Variants in EFCAB11 observed in about 807,000 individuals in gnomAD.
EFCAB11 encodes the protein EF-hand calcium-binding domain-containing protein 11.
A neutral mutation model predicts 23.0 loss-of-function variants in EFCAB11; 14 were observed. The observed-to-expected ratio is 0.61, with a 90% CI of 0.40 to 0.95. EFCAB11 has a LOEUF of 0.95. EFCAB11 is among the 40% of genes least tolerant of loss of function. The pLI, the probability that EFCAB11 is intolerant of heterozygous loss-of-function variation, is 0.00. For synonymous variants in EFCAB11, 65 were observed against 66.6 expected, an observed-to-expected ratio of 0.98 and a Z score of 0.11; for missense variants, 198 against 195.8, an observed-to-expected ratio of 1.01 and a Z score of -0.07.
intron 5 of EFCAB11, among the ~76,000 whole-genome samples, chr14:89,929,463 A>T (rs10129565): frequency 0.32 from 48,001 of 152,068 alleles, 11,583 homozygotes; most frequent in African/African-American, 0.67. Flanking sequence ...CTCAGCTCAC[A>T]GCAACCTCCG....
intron 5 of EFCAB11, among the ~76,000 whole-genome samples, chr14:89,892,660 C>T (rs749907273): frequency 6.6e-6 from 1 of 152,082 alleles, no homozygotes; most frequent in East Asian, 1.9e-4. Flanking sequence ...CTAGCATTTT[C>T]GGAGGCCAAG....
chr14:89,883,757 T>C (rs1183871959), intron 5 of EFCAB11, among the ~76,000 whole-genome samples: 1 of 152,222 alleles, frequency 6.6e-6, no homozygotes, highest in Non-Finnish European at 1.5e-5. Flanking sequence ...AAACCACTTC[T>C]CTGTTCATTT....
chr14:89,802,799 T>C (rs557687685), intron 5 of EFCAB11, among the ~76,000 whole-genome samples: 1 of 152,378 alleles, frequency 6.6e-6, no homozygotes, highest in South Asian at 2.1e-4. Context: ...TGGGTAATTC[T>C]GTCTTAAGAT....
intron 5 of EFCAB11, among the ~76,000 whole-genome samples, chr14:89,918,197 A>C (rs191273554): frequency 6.6e-6 from 1 of 152,252 alleles, no homozygotes; most frequent in Non-Finnish European, 1.5e-5. Context: ...ACCAGAACAA[A>C]AGAGAGGAAT....
At chr14:89,950,032 G>T in intron 3 of EFCAB11, 65 bp downstream of exon 3, 1 of 1,447,436 alleles carries the variant, frequency 6.9e-7, no homozygotes, top group South Asian at 1.2e-5. Flanking sequence ...CTGATGTAGG[G>T]ACACAGCCAA....
intron 3 of EFCAB11, among the ~76,000 whole-genome samples, chr14:89,939,181 G>A (rs1363339779): frequency 1.3e-5 from 2 of 151,964 alleles, no homozygotes; most frequent in Non-Finnish European, 2.9e-5. Context: ...CGTGCACACC[G>A]GTCCTTAATC....
chr14:89,844,499 A>C (rs1447123852), intron 5 of EFCAB11, among the ~76,000 whole-genome samples: 1 of 152,220 alleles, frequency 6.6e-6, no homozygotes, highest in African/African-American at 2.4e-5. Context: ...GCCCTGGATC[A>C]CATACAGAGA....
rs1402100705 is a variant in EFCAB11 at position 89,950,154 on chromosome 14, G to GA, written c.172-13dup. The stretch of plus-strand genomic sequence containing the variant: ...GAATCCACTTCTATCTAGAAAAGAG[G>GA]AAAAAATAATAGAACATGTAATTTT... On this transcript the variant is annotated splice_polypyrimidine_tract_variant and intron_variant, in intron 2 of 5. Coordinates refer to ENST00000316738, the MANE Select transcript of EFCAB11 (RefSeq NM_145231.4). 6.4e-7 allele frequency: 1 copy of GA among 1,551,728 alleles called. No homozygotes were observed. Among genetic ancestry groups the GA allele is most frequent in the Non-Finnish European group, 8.8e-7 (1 of 1,138,020 alleles).
chr14:89,844,163 T>C (rs1003367371), intron 5 of EFCAB11, among the ~76,000 whole-genome samples: 2 of 152,258 alleles, frequency 1.3e-5, no homozygotes, highest in African/African-American at 4.8e-5. Flanking sequence ...CAATCTTTTG[T>C]GCTTCTGCGT....
At chr14:89,927,243 A>G (rs1890223073) in intron 5 of EFCAB11, among the ~76,000 whole-genome samples, 1 of 152,204 alleles carries the variant, frequency 6.6e-6, no homozygotes, top group Admixed American at 6.5e-5. Context: ...AAAGTGTAAT[A>G]CGGGCAAGTA....
intron 5 of EFCAB11, among the ~76,000 whole-genome samples, chr14:89,832,688 C>T (rs1886924223): frequency 6.6e-6 from 1 of 152,182 alleles, no homozygotes; most frequent in Non-Finnish European, 1.5e-5. Context: ...GCTTAGAACA[C>T]TTACATTAGC....
intron 5 of EFCAB11, among the ~76,000 whole-genome samples, chr14:89,889,219 A>G (rs1888887547): frequency 1.3e-5 from 2 of 152,248 alleles, no homozygotes; most frequent in African/African-American, 2.4e-5. Flanking sequence ...CACCATTTTA[A>G]GGAAATGTAT....
At chr14:89,848,949 A>G (rs1266002078) in intron 5 of EFCAB11, 1 of 152,216 alleles carries the variant, frequency 6.6e-6, no homozygotes, top group African/African-American at 2.4e-5. Flanking sequence ...ATAAATAAAA[A>G]TGAAAATAAA....
At chr14:89,844,863 C>T (rs943437844) in intron 5 of EFCAB11, among the ~76,000 whole-genome samples, 1 of 152,184 alleles carries the variant, frequency 6.6e-6, no homozygotes, top group African/African-American at 2.4e-5. Flanking sequence ...GTAAGGTAAA[C>T]CCTCCTTGGT....
chr14:89,820,663 C>T (rs1886485719), intron 5 of EFCAB11, among the ~76,000 whole-genome samples: 1 of 152,072 alleles, frequency 6.6e-6, no homozygotes, highest in South Asian at 2.1e-4. Flanking sequence ...TACTTGCAGC[C>T]TTATTTAAAC....
intron 5 of EFCAB11, among the ~76,000 whole-genome samples, chr14:89,896,138 C>A (rs1424971107): frequency 1.3e-5 from 2 of 152,232 alleles, no homozygotes; most frequent in Non-Finnish European, 2.9e-5. Flanking sequence ...GTAATCCCAG[C>A]ACTTTCGGAG....
chr14:89,889,282 C>G (rs183646271), intron 5 of EFCAB11, among the ~76,000 whole-genome samples: 4 of 152,002 alleles, frequency 2.6e-5, no homozygotes, highest in Admixed American at 6.5e-5. Flanking sequence ...TCAAAAAAAC[C>G]CAAATAAAGT....
At chr14:89,921,769 C>T (rs17126457) in intron 5 of EFCAB11, among the ~76,000 whole-genome samples, 48,013 of 152,072 alleles carry the variant, frequency 0.32, 11,591 homozygotes, top group African/African-American at 0.67. Flanking sequence ...TTAGTCTATA[C>T]ATAAGGTGGA....
intron 5 of EFCAB11, among the ~76,000 whole-genome samples, chr14:89,825,354 G>C (rs1284582951): frequency 2.0e-5 from 3 of 152,070 alleles, no homozygotes; most frequent in African/African-American, 7.2e-5. Flanking sequence ...TCCTTAGATG[G>C]AAATATGTAG....
Sources: allele counts gnomAD v4.1 joint callset (sites outside exome capture counted in the v4.1 genomes callset), GRCh38; gene constraint gnomAD v4.1.1; transcripts MANE v1.5; gene names NCBI Gene and HGNC (gene_info 2026-07-23, HGNC 2026-07-21).